CDK14: variants seen among roughly 807,000 people sequenced by gnomAD.
CDK14 encodes cyclin dependent kinase 14, also known as cyclin-dependent kinase 14.
In CDK14, 34 loss-of-function variants were observed where a neutral mutation model predicts 60.7. That is an observed-to-expected ratio of 0.56 (90% CI 0.43 to 0.75). The LOEUF is 0.75. CDK14 is among the 30% of genes least tolerant of loss of function. The probability of loss-of-function intolerance (pLI) is 0.00; values close to 1 mark genes in which losing one functional copy is unlikely to be tolerated. For synonymous variants in CDK14, 197 were observed against 203.7 expected, an observed-to-expected ratio of 0.97 and a Z score of 0.28; for missense variants, 482 against 564.1, an observed-to-expected ratio of 0.85 and a Z score of 1.47.
intron 5 of CDK14, among the ~76,000 whole-genome samples, chr7:90,830,244 G>A (rs1359452971): frequency 6.6e-6 from 1 of 152,196 alleles, no homozygotes; most frequent in African/African-American, 2.4e-5. Context: ...TCTAGGTGGA[G>A]GTTTCCAATC....
chr7:90,796,966 T>A (rs1788458125), intron 5 of CDK14, among the ~76,000 whole-genome samples: 1 of 151,888 alleles, frequency 6.6e-6, no homozygotes, highest in Non-Finnish European at 1.5e-5. Context: ...TCTTATGTTG[T>A]ACAGTGATGA....
Position 90,596,491 on chromosome 7 carries a change from C to G in CDK14, c.-137C>G, listed in dbSNP as rs1426716540. On this transcript the variant is annotated 5_prime_UTR_variant, in exon 1 of 15. Coordinates refer to ENST00000380050, the MANE Select transcript of CDK14 (RefSeq NM_001287135.2). ...CCTGCCTGCTGCTCGCCTCCCTAGA[C>G]CTGCGCGTCGCTTCCCGGCCCGCCG... 7.4e-6 allele frequency: 5 copies of G among 674,016 alleles called. No individual in the cohort carries two copies. Among genetic ancestry groups the G allele is most frequent in the African/African-American group, 3.6e-5 (2 of 55,294 alleles). 41.8% of individuals were successfully genotyped at this position (674,016 alleles called of 1,614,324 possible).
chr7:91,044,358 G>A (rs1797175112), intron 10 of CDK14, among the ~76,000 whole-genome samples: 1 of 152,202 alleles, frequency 6.6e-6, no homozygotes, highest in Non-Finnish European at 1.5e-5. Flanking sequence ...TACCAAAAGG[G>A]GTTACCAAAA....
chr7:90,726,900 C>T, intron 3 of CDK14, 88 bp downstream of exon 3: 1 of 1,469,378 alleles, frequency 6.8e-7, no homozygotes. Context: ...CAGCAGGAAA[C>T]TTTATCAGTG....
At chr7:90,692,291 T>C (rs1403770443) in intron 2 of CDK14, among the ~76,000 whole-genome samples, 1 of 152,202 alleles carries the variant, frequency 6.6e-6, no homozygotes, top group Non-Finnish European at 1.5e-5. Context: ...TACCCAGATA[T>C]TCCATTACAT....
chr7:90,739,596 T>C (rs1333697635), intron 3 of CDK14, among the ~76,000 whole-genome samples: 1 of 152,208 alleles, frequency 6.6e-6, no homozygotes, highest in Non-Finnish European at 1.5e-5. Context: ...TGGCTTCCTG[T>C]TCTCTTGCCA....
At chr7:90,752,508 A>T (rs1803885599) in intron 4 of CDK14, among the ~76,000 whole-genome samples, 1 of 152,148 alleles carries the variant, frequency 6.6e-6, no homozygotes, top group Non-Finnish European at 1.5e-5. Flanking sequence ...GGGATACAGG[A>T]AAAACAGTGT....
At chr7:90,813,272 T>C (rs1456963161) in intron 5 of CDK14, among the ~76,000 whole-genome samples, 2 of 152,202 alleles carry the variant, frequency 1.3e-5, no homozygotes, top group East Asian at 3.9e-4. Context: ...TGGGACGAGC[T>C]GGGAGCAAGG....
chr7:90,791,569 T>C (rs1343046014), intron 5 of CDK14, among the ~76,000 whole-genome samples: 1 of 152,236 alleles, frequency 6.6e-6, no homozygotes, highest in Non-Finnish European at 1.5e-5. Flanking sequence ...TTGATATGAT[T>C]TACATGTACA....
intron 12 of CDK14, among the ~76,000 whole-genome samples, chr7:91,083,929 C>T (rs910764627): frequency 3.3e-5 from 5 of 152,196 alleles, no homozygotes; most frequent in African/African-American, 4.8e-5. Flanking sequence ...GCATATGAAA[C>T]GGACATAGTC....
chr7:90,835,597 A>C (rs1387512468), intron 5 of CDK14, among the ~76,000 whole-genome samples: 1 of 152,166 alleles, frequency 6.6e-6, no homozygotes, highest in Non-Finnish European at 1.5e-5. Flanking sequence ...TGATCCTGTC[A>C]TTCTGCAATT....
intron 14 of CDK14, among the ~76,000 whole-genome samples, chr7:91,206,452 C>T (rs1802900963): frequency 6.6e-6 from 1 of 152,162 alleles, no homozygotes. Flanking sequence ...GTGTTTCCAC[C>T]CATCCTGGCA....
At chr7:90,673,430 C>G (rs1728404290) in intron 2 of CDK14, among the ~76,000 whole-genome samples, 1 of 151,952 alleles carries the variant, frequency 6.6e-6, no homozygotes, top group South Asian at 2.1e-4. Context: ...TCCCTCCCTC[C>G]CTCTGTTGCC....
intron 2 of CDK14, among the ~76,000 whole-genome samples, chr7:90,678,851 G>C (rs1801256107): frequency 1.3e-5 from 2 of 152,172 alleles, no homozygotes; most frequent in Admixed American, 1.3e-4. Context: ...CTGTATTTGA[G>C]ATAAGAAGAA....
chr7:90,718,537 G>C (rs926061636), intron 2 of CDK14, among the ~76,000 whole-genome samples: 2 of 152,114 alleles, frequency 1.3e-5, no homozygotes, highest in African/African-American at 4.8e-5. Flanking sequence ...GAGGCACTTA[G>C]TTCTGACTTC....
At chr7:90,744,692 C>T (rs1803509440) in intron 3 of CDK14, among the ~76,000 whole-genome samples, 1 of 140,476 alleles carries the variant, frequency 7.1e-6, no homozygotes, top group African/African-American at 2.7e-5. Context: ...CAGAGGGGCT[C>T]CTCACTTCCC....
chr7:90,894,385 T>C (rs1204585205), intron 6 of CDK14, among the ~76,000 whole-genome samples: 2 of 152,280 alleles, frequency 1.3e-5, no homozygotes, highest in South Asian at 4.1e-4. Context: ...GAGGAAGCCA[T>C]GTGTGTATAG....
chr7:90,956,487 T>C (rs568473317), intron 9 of CDK14, among the ~76,000 whole-genome samples: 1 of 152,308 alleles, frequency 6.6e-6, no homozygotes, highest in African/African-American at 2.4e-5. Context: ...AATAATCTAA[T>C]TTTTGGCATG....
chr7:91,169,928 C>T (rs956452604), intron 14 of CDK14, among the ~76,000 whole-genome samples: 2 of 152,126 alleles, frequency 1.3e-5, no homozygotes, highest in African/African-American at 4.8e-5. Context: ...CATACAGTAC[C>T]CTGCGTTATC....
Sources: allele counts gnomAD v4.1 joint callset (sites outside exome capture counted in the v4.1 genomes callset), GRCh38; gene constraint gnomAD v4.1.1; transcripts MANE v1.5; gene names NCBI Gene and HGNC (gene_info 2026-07-23, HGNC 2026-07-21).